STXBP2: variants seen among roughly 807,000 people sequenced by gnomAD.
The protein encoded by STXBP2 is syntaxin binding protein 2, also known as syntaxin-binding protein 2.
A neutral mutation model predicts 72.2 loss-of-function variants in STXBP2; 47 were observed. That is an observed-to-expected ratio of 0.65 (90% CI 0.51 to 0.83). The LOEUF is 0.83. Ranked by LOEUF, STXBP2 falls within the 40% of genes least tolerant of loss-of-function variation. The pLI, the probability that STXBP2 is intolerant of heterozygous loss-of-function variation, is 0.00. For missense variants in STXBP2, 702 were observed against 807.6 expected (o/e 0.87, Z 1.58); for synonymous variants, 367 against 338.7 (o/e 1.08, Z -0.92).
Position 7,647,751 on chromosome 19 carries a change from C to G in STXBP2, c.1723C>G (p.Arg575Gly), listed in dbSNP as rs201481880. The G allele has an allele frequency of 4.3e-6, 7 of 1,614,132 alleles. No individual in the cohort carries two copies. Among genetic ancestry groups the G allele is most frequent in the Non-Finnish European group, 5.9e-6 (7 of 1,180,008 alleles). Reference protein sequence around the residue: ...IGSSHILTPTRFLDDLKALDK... With the variant: ...IGSSHILTPTGFLDDLKALDK... Reference sequence around the variant, plus strand: ...CTCCTCACACATCCTCACCCCGACCCGCTTCCTGGATGACCTGAAGGCACT... The same window carrying G: ...CTCCTCACACATCCTCACCCCGACCGGCTTCCTGGATGACCTGAAGGCACT... The change falls in exon 19 of 19, where the codon CGC (arginine) becomes GGC (glycine). Residue 575 changes from arginine (R) to glycine (G), a missense_variant. Physicochemically the swap from Arg to Gly is moderately radical, Grantham distance 125 (BLOSUM62 -2). Transcript: ENST00000221283.
chr19:7,630,810 C>T, the STXBP2 span: 1 of 1,537,274 alleles, frequency 6.5e-7, no homozygotes, highest in Non-Finnish European at 8.7e-7. Context: ...CCATTTGTGA[C>T]TTTTCCTTAC....
At chr19:7,633,967 C>A (rs2031438873), upstream of STXBP2, 1 of 153,434 alleles carries the variant, frequency 6.5e-6, no homozygotes, top group Non-Finnish European at 1.5e-5. Flanking sequence ...CCTCAGACAC[C>A]ACCGGCCACC....
Position 7,637,198 on chromosome 19 carries a change from T to C in STXBP2, c.37+12T>C. ...GGTGGTGGGGGAAAGTGAGTGCCTC[T>C]CCGGGGCCGGGCTCTGGCGTCCGGT... On this transcript the variant is annotated intron_variant, in intron 1 of 18. Transcript: ENST00000221283. 1 of 1,242,724 alleles carries C rather than the reference T, an allele frequency of 8.0e-7. No individual in the cohort carries two copies. Among genetic ancestry groups the C allele is most frequent in the Middle Eastern group, 2.2e-4 (1 of 4,564 alleles). 77.0% of individuals were successfully genotyped at this position (1,242,724 alleles called of 1,614,324 possible). A position where few individuals can be genotyped will look rare whatever the true frequency, so the allele number is the denominator to read the frequency against.
At chr19:7,644,070 G>A (rs1416385097) in intron 13 of STXBP2, among the ~76,000 whole-genome samples, 1 of 148,660 alleles carries the variant, frequency 6.7e-6, no homozygotes, top group Non-Finnish European at 1.5e-5. Flanking sequence ...GGACCTGGGT[G>A]AGGGGTGGAG....
rs371355447 is a variant in STXBP2, at chr19:7,644,694, G to A, written c.1188G>A (p.Ala396=). 1.5e-4 allele frequency: 243 copies of A among 1,613,702 alleles called. No individual in the cohort carries two copies. The highest frequency in any genetic ancestry group is 1.9e-4 in the Non-Finnish European group (219 of 1,179,880). Reference sequence around the variant, plus strand: ...TGATCGTTCCGGTGCTGCTGGACGCGGCGGTGCCCGCCTACGACAAGATCC... The same window carrying A: ...TGATCGTTCCGGTGCTGCTGGACGCAGCGGTGCCCGCCTACGACAAGATCC... ...MKLIVPVLLD[A]AVPAYDKIRV... The change falls in exon 14 of 19, where the codon GCG becomes GCA. Residue 396 remains alanine, a synonymous_variant. Coordinates refer to ENST00000221283, the MANE Select transcript of STXBP2 (RefSeq NM_006949.4).
chr19:7,632,457 C>T (rs61741491), upstream of STXBP2: 3,832 of 1,613,800 alleles, frequency 2.4e-3, 77 homozygotes, highest in African/African-American at 0.044. This position sits in a 1 kb window ranked among gnomAD's most constrained non-coding sequence, Gnocchi z 5.2. Context: ...ATCCATGCGG[C>T]GGCCCTGGGT....
At chr19:7,641,962 T>G in intron 7 of STXBP2, 72 bp from the exon 8 acceptor site, 1 of 1,448,130 alleles carries the variant, frequency 6.9e-7, no homozygotes. Flanking sequence ...CCCTGGCCCC[T>G]GACTCTCACC....
intron 7 of STXBP2, 79 bp from the exon 8 acceptor site, chr19:7,641,955 T>C: frequency 1.4e-6 from 2 of 1,418,722 alleles, no homozygotes; most frequent in East Asian, 3.3e-5. Flanking sequence ...GGCCCTACCC[T>C]GGCCCCTGAC....
intron 1 of STXBP2, among the ~76,000 whole-genome samples, chr19:7,637,703 C>T (rs1303030829): frequency 6.6e-6 from 1 of 152,160 alleles, no homozygotes; most frequent in East Asian, 1.9e-4. Context: ...GCGTCCAGGC[C>T]TCACCGGCCC....
At chr19:7,633,353 T>C (rs2031411749), upstream of STXBP2, 1 of 1,511,286 alleles carries the variant, frequency 6.6e-7, no homozygotes, top group Admixed American at 2.0e-5. Flanking sequence ...GTCTTGTCAA[T>C]CATGGGCTCT....
At chr19:7,637,087 G>A, upstream of STXBP2, 1 of 1,232,002 alleles carries the variant, frequency 8.1e-7, no homozygotes, top group Admixed American at 4.2e-5. Context: ...CGTGGGTGAC[G>A]CGCGGGGCCA....
chr19:7,635,513 A>G (rs1006957596), upstream of STXBP2, among the ~76,000 whole-genome samples: 1 of 152,114 alleles, frequency 6.6e-6, no homozygotes, highest in Admixed American at 6.6e-5. Flanking sequence ...TGGGCAACAT[A>G]GGGAGATCCT....
chr19:7,631,684 G>T, the STXBP2 span: 1 of 1,459,368 alleles, frequency 6.9e-7, no homozygotes, highest in Admixed American at 2.4e-5. Context: ...GGATGCCTCA[G>T]GCCCTCAGGG....
chr19:7,637,911 G>A (rs1466964152), intron 1 of STXBP2, among the ~76,000 whole-genome samples: 2 of 152,208 alleles, frequency 1.3e-5, no homozygotes, highest in African/African-American at 4.8e-5. Context: ...TTTAATTGGG[G>A]GAGATTAGAA....
intron 13 of STXBP2, among the ~76,000 whole-genome samples, chr19:7,643,576 A>G (rs1038283899): frequency 6.8e-6 from 1 of 146,896 alleles, no homozygotes; most frequent in African/African-American, 2.6e-5. Flanking sequence ...AGGGCCTTGG[A>G]GAGGTGCGAC....
Position 7,643,239 on chromosome 19 carries a change from G to A in STXBP2, c.1101G>A (p.Val367=), listed in dbSNP as rs779553076. ...GCTCGGTGGAGAAGCTGTGTAGTGT[G>A]GAGCAGGTGGGGCAGGGCTTGCGGG... The part of the protein sequence containing the change: ...FKGSVEKLCS[V]EQDLAMGSDA... The change falls in exon 13 of 19, where the codon GTG becomes GTA. Residue 367 remains valine (V), a synonymous_variant. Transcript: ENST00000221283. The A allele has an allele frequency of 1.2e-6, 2 of 1,613,580 alleles. No individual in the cohort carries two copies. Among genetic ancestry groups the A allele is most frequent in the East Asian group, 4.5e-5 (2 of 44,858 alleles).
At chr19:7,646,932 A>G in intron 16 of STXBP2, 1 of 594,124 alleles carries the variant, frequency 1.7e-6, no homozygotes. Flanking sequence ...ACTTCTGGGT[A>G]CCCAAGGAGT....
At chr19:7,632,253 C>G, upstream of STXBP2, 1 of 1,333,826 alleles carries the variant, frequency 7.5e-7, no homozygotes, top group Non-Finnish European at 1.0e-6. The surrounding 1 kb of genome is among the most constrained non-coding windows in gnomAD (Gnocchi z 5.2). Context: ...CTGCCTGGGC[C>G]TTGGTCCTCC....
chr19:7,637,017 G>T, upstream of STXBP2: 1 of 1,025,162 alleles, frequency 9.8e-7, no homozygotes, highest in South Asian at 5.0e-5. Flanking sequence ...GGCGAGAACC[G>T]ACGGCGGGGA....
Sources: allele counts gnomAD v4.1 joint callset (sites outside exome capture counted in the v4.1 genomes callset), GRCh38; gene constraint gnomAD v4.1.1; non-coding constraint Gnocchi (gnomAD v3.1); transcripts MANE v1.5; gene names NCBI Gene and HGNC (gene_info 2026-07-23, HGNC 2026-07-21).